The following BMPER variants were observed in gnomAD, a reference collection of about 807,000 sequenced individuals.
BMPER encodes BMP-binding endothelial regulator protein.
A neutral mutation model predicts 87.3 loss-of-function variants in BMPER; 45 were observed. That is an observed-to-expected ratio of 0.52 (90% CI 0.41 to 0.66). The LOEUF (loss-of-function observed/expected upper bound fraction) is 0.66, where lower values mean the gene tolerates loss of function less well. Ranked by LOEUF, BMPER falls within the 30% of genes least tolerant of loss-of-function variation. The pLI is 0.00. For synonymous variants in BMPER, 326 were observed against 316.2 expected (o/e 1.03, Z -0.33); for missense variants, 784 against 867.5 (o/e 0.90, Z 1.21).
At chr7:34,010,959 T>G (rs1449350329) in intron 6 of BMPER, among the ~76,000 whole-genome samples, 2 of 151,902 alleles carry the variant, frequency 1.3e-5, no homozygotes, top group African/African-American at 4.8e-5. Context: ...CCTTTTTAAT[T>G]TGTGAGATTT....
At chr7:34,043,848 A>G (rs1169389239) in intron 6 of BMPER, among the ~76,000 whole-genome samples, 1 of 152,244 alleles carries the variant, frequency 6.6e-6, no homozygotes, top group African/African-American at 2.4e-5. Flanking sequence ...TACTGCGATC[A>G]TCTGATAGTA....
chr7:34,001,603 C>G (rs1408948560), intron 6 of BMPER, among the ~76,000 whole-genome samples: 2 of 142,748 alleles, frequency 1.4e-5, no homozygotes, highest in African/African-American at 5.1e-5. Flanking sequence ...AATGGTTTAT[C>G]AATTTTGTTG....
At chr7:34,034,290 G>C (rs1787605136) in intron 6 of BMPER, among the ~76,000 whole-genome samples, 1 of 152,168 alleles carries the variant, frequency 6.6e-6, no homozygotes, top group Non-Finnish European at 1.5e-5. Flanking sequence ...AATATGCCTT[G>C]TGGATTTGTG....
At chr7:34,149,588 C>T (rs2127996447) in intron 14 of BMPER, among the ~76,000 whole-genome samples, 1 of 151,980 alleles carries the variant, frequency 6.6e-6, no homozygotes, top group East Asian at 1.9e-4. Flanking sequence ...GGGGAGATTC[C>T]AGGAGGTGAT....
At chr7:33,980,848 G>T (rs1293346791) in intron 6 of BMPER, among the ~76,000 whole-genome samples, 1 of 152,200 alleles carries the variant, frequency 6.6e-6, no homozygotes, top group African/African-American at 2.4e-5. Flanking sequence ...TGCTTTACTG[G>T]CTCTTAGAAG....
chr7:34,045,081 A>G (rs564952907), intron 6 of BMPER, among the ~76,000 whole-genome samples: 1 of 152,124 alleles, frequency 6.6e-6, no homozygotes, highest in East Asian at 1.9e-4. Context: ...CTTGAGATAT[A>G]AATTATGCAC....
chr7:33,912,878 A>G (rs1187039599), intron 2 of BMPER, among the ~76,000 whole-genome samples: 3 of 152,206 alleles, frequency 2.0e-5, no homozygotes, highest in Non-Finnish European at 2.9e-5. Flanking sequence ...TATAAATTCA[A>G]TAATATTATT....
At chr7:34,146,096 A>G (rs1441753891) in intron 14 of BMPER, among the ~76,000 whole-genome samples, 6 of 152,086 alleles carry the variant, frequency 3.9e-5, no homozygotes, top group African/African-American at 1.2e-4. Context: ...CCACAGACTG[A>G]CAGTTGGTAC....
At chr7:34,045,295 C>T (rs567556738) in intron 6 of BMPER, among the ~76,000 whole-genome samples, 1 of 152,114 alleles carries the variant, frequency 6.6e-6, no homozygotes, top group South Asian at 2.1e-4. Context: ...CAGCTTTGCC[C>T]GTTGGACGTA....
At chr7:33,912,137 C>T (rs1562625607) in intron 2 of BMPER, among the ~76,000 whole-genome samples, 1 of 151,912 alleles carries the variant, frequency 6.6e-6, no homozygotes, top group African/African-American at 2.4e-5. Flanking sequence ...AACAAACAAA[C>T]AACAACAAAA....
chr7:33,974,575 T>C, intron 5 of BMPER, 127 bp from the exon 6 acceptor site: 1 of 930,654 alleles, frequency 1.1e-6, no homozygotes, highest in Non-Finnish European at 1.8e-6. Flanking sequence ...AGCAATCTTG[T>C]CCACTGGTTG....
chr7:33,935,686 A>T (rs77451365), intron 2 of BMPER, among the ~76,000 whole-genome samples: 1 of 152,150 alleles, frequency 6.6e-6, no homozygotes, highest in African/African-American at 2.4e-5. Flanking sequence ...CAGTAAATGA[A>T]AAAACAAAAC....
intron 12 of BMPER, among the ~76,000 whole-genome samples, chr7:34,081,457 A>T (rs1009366756): frequency 6.6e-6 from 1 of 152,212 alleles, no homozygotes; most frequent in Admixed American, 6.5e-5. Flanking sequence ...CGCACTTACG[A>T]TGGGATTATT....
chr7:34,017,918 C>T (rs988117602), intron 6 of BMPER, among the ~76,000 whole-genome samples: 1 of 151,326 alleles, frequency 6.6e-6, no homozygotes, highest in African/African-American at 2.4e-5. Flanking sequence ...CTTGGGAGAT[C>T]CCAGGCTCCT....
intron 6 of BMPER, among the ~76,000 whole-genome samples, chr7:34,028,599 C>CTTTTTTTT (rs1787425304): frequency 8.5e-5 from 1 of 11,724 alleles, no homozygotes; most frequent in African/African-American, 2.4e-4. Flanking sequence ...ATCATTTTTT[C>CTTTTTTTT]TGTTTTTTTT....
At chr7:33,992,149 T>G (rs1354343776) in intron 6 of BMPER, among the ~76,000 whole-genome samples, 6 of 151,198 alleles carry the variant, frequency 4.0e-5, no homozygotes, top group Non-Finnish European at 7.4e-5. Flanking sequence ...GGTGCAGAGC[T>G]GAGTTCAATT....
chr7:33,976,164 A>G (rs111790233), intron 6 of BMPER, among the ~76,000 whole-genome samples: 3,063 of 151,622 alleles, frequency 0.02, 90 homozygotes, highest in African/African-American at 0.07. Flanking sequence ...TTATTTTTTT[A>G]TTTTTTGAGA....
At chr7:34,117,184 A>G (rs1790140025) in intron 13 of BMPER, among the ~76,000 whole-genome samples, 2 of 152,204 alleles carry the variant, frequency 1.3e-5, no homozygotes, top group South Asian at 2.1e-4. Flanking sequence ...GAAATTATTT[A>G]TAATACAAAA....
chr7:34,000,929 TG>T (rs917852135), intron 6 of BMPER, among the ~76,000 whole-genome samples: 17 of 152,146 alleles, frequency 1.1e-4, no homozygotes, highest in Non-Finnish European at 2.1e-4. Context: ...ATGCATTTTC[TG>T]CATCTATTGA....
Sources: allele counts gnomAD v4.1 joint callset (sites outside exome capture counted in the v4.1 genomes callset), GRCh38; gene constraint gnomAD v4.1.1; transcripts MANE v1.5; gene names NCBI Gene and HGNC (gene_info 2026-07-23, HGNC 2026-07-21).